Variants in STXBP5 observed in about 807,000 individuals in gnomAD.
The protein encoded by STXBP5 is syntaxin-binding protein 5.
STXBP5 carries 50 observed loss-of-function variants against 152.4 expected under a neutral mutation model. That is an observed-to-expected ratio of 0.33 (90% CI 0.26 to 0.42). STXBP5 has a LOEUF of 0.42. Ranked by LOEUF, STXBP5 falls within the 10% of genes least tolerant of loss-of-function variation. The pLI, the probability that STXBP5 is intolerant of heterozygous loss-of-function variation, is 1.00. For synonymous variants in STXBP5, 492 were observed against 494.7 expected (o/e 0.99, Z 0.07); for missense variants, 1,167 against 1,388.6 (o/e 0.84, Z 2.54).
chr6:147,339,803 A>G (rs1582967210), intron 21 of STXBP5, among the ~76,000 whole-genome samples: 1 of 151,756 alleles, frequency 6.6e-6, no homozygotes, highest in East Asian at 1.9e-4. Flanking sequence ...TAAAAGATTG[A>G]CTCTTTTAGT....
At chr6:147,249,136 T>C (rs1778964245) in intron 4 of STXBP5, among the ~76,000 whole-genome samples, 1 of 152,204 alleles carries the variant, frequency 6.6e-6, no homozygotes, top group African/African-American at 2.4e-5. Flanking sequence ...ATGTGGATTT[T>C]AGCCTGTAAG....
rs200237318 is a variant in STXBP5, at chr6:147,284,451, CTCA to C, written c.838+6254_838+6256del. 5.1e-4 allele frequency among the ~76,000 whole-genome samples: 78 copies of C among 152,238 alleles called. 1 individual carries two copies. The highest frequency in any genetic ancestry group is 4.4e-3 in the East Asian group (23 of 5,182). On this transcript the variant is annotated intron_variant, in intron 8 of 27. Transcript: ENST00000321680. ...ACTGAAAATATACTGTCCTGAAGAG[CTCA>C]TCATCAAGTGAATAAAAATGATCTA...
At chr6:147,316,697 G>A (rs1262069525) in intron 16 of STXBP5, among the ~76,000 whole-genome samples, 1 of 152,114 alleles carries the variant, frequency 6.6e-6, no homozygotes, top group African/African-American at 2.4e-5. Context: ...AAATCCATCA[G>A]TGTTTTTAGT....
intron 2 of STXBP5, among the ~76,000 whole-genome samples, chr6:147,210,197 A>G (rs1186518961): frequency 2.6e-5 from 4 of 152,192 alleles, no homozygotes; most frequent in Non-Finnish European, 5.9e-5. Context: ...TTAGGGAGTA[A>G]CTAAAGATGA....
At chr6:147,353,922 A>G (rs1033932052) in intron 22 of STXBP5, among the ~76,000 whole-genome samples, 4 of 152,196 alleles carry the variant, frequency 2.6e-5, no homozygotes, top group Admixed American at 2.6e-4. Context: ...ATTTTGCTTT[A>G]TATCTAACCC....
intron 7 of STXBP5, among the ~76,000 whole-genome samples, chr6:147,275,479 C>G (rs1780390871): frequency 6.7e-6 from 1 of 149,552 alleles, no homozygotes; most frequent in Non-Finnish European, 1.5e-5. Flanking sequence ...TCCTTTATTC[C>G]TCTTTCTAAC....
intron 2 of STXBP5, among the ~76,000 whole-genome samples, chr6:147,208,932 T>C (rs1340026337): frequency 1.3e-5 from 2 of 152,132 alleles, no homozygotes; most frequent in African/African-American, 4.8e-5. Flanking sequence ...CATTAATGTA[T>C]AGCAAATGAC....
chr6:147,353,218 A>C (rs1784667792), intron 21 of STXBP5, 105 bp from the exon 22 acceptor site: 3 of 642,264 alleles, frequency 4.7e-6, no homozygotes, highest in Admixed American at 3.4e-5. Flanking sequence ...TTATCTCGGC[A>C]TCTAGATTTA....
chr6:147,347,889 A>G (rs1030462406), intron 21 of STXBP5, among the ~76,000 whole-genome samples: 4 of 152,236 alleles, frequency 2.6e-5, no homozygotes, highest in Non-Finnish European at 5.9e-5. Context: ...GGCTATCTCT[A>G]TACAAAGGAT....
At chr6:147,269,034 GAGAGCAA>G (rs1246568247) in intron 7 of STXBP5, among the ~76,000 whole-genome samples, 1 of 152,182 alleles carries the variant, frequency 6.6e-6, no homozygotes, top group Admixed American at 6.5e-5. Flanking sequence ...CAAGGTATTA[GAGAGCAA>G]AGAGCTTAGA....
chr6:147,273,990 AC>A (rs202244700), intron 7 of STXBP5, among the ~76,000 whole-genome samples: 4,356 of 151,988 alleles, frequency 0.029, 57 homozygotes, highest in Middle Eastern at 0.055. Flanking sequence ...TTTGCAGCTC[AC>A]AGCACAGGAA....
intron 26 of STXBP5, among the ~76,000 whole-genome samples, chr6:147,380,464 A>C (rs956818980): frequency 6.6e-5 from 10 of 151,804 alleles, no homozygotes; most frequent in African/African-American, 2.4e-4. Context: ...AAAAAAAAAA[A>C]AAAAAAGATG....
intron 16 of STXBP5, among the ~76,000 whole-genome samples, chr6:147,319,387 A>G (rs1332595246): frequency 6.6e-6 from 1 of 152,202 alleles, no homozygotes; most frequent in Non-Finnish European, 1.5e-5. Flanking sequence ...ATTACCACTG[A>G]TAGTAAAACA....
chr6:147,251,198 T>A (rs942241770), intron 4 of STXBP5, among the ~76,000 whole-genome samples: 2 of 151,982 alleles, frequency 1.3e-5, no homozygotes, highest in African/African-American at 2.4e-5. Context: ...GGAAACTCCC[T>A]CCCCTAGCCA....
chr6:147,362,101 CTTATACTAAAAAGTATTCATTGT>C (rs1785090840), intron 23 of STXBP5, among the ~76,000 whole-genome samples: 5 of 152,020 alleles, frequency 3.3e-5, no homozygotes, highest in Admixed American at 3.3e-4. Context: ...TTGGGACATA[CTTATACTAAAAAGTATTCATTGT>C]TTATCTGAAA....
intron 4 of STXBP5, among the ~76,000 whole-genome samples, chr6:147,258,609 T>C (rs1198392732): frequency 6.6e-6 from 1 of 152,036 alleles, no homozygotes; most frequent in Non-Finnish European, 1.5e-5. Context: ...AATCTTTGTA[T>C]TTTTTAATAG....
intron 25 of STXBP5, among the ~76,000 whole-genome samples, chr6:147,367,986 G>A (rs1244794220): frequency 6.6e-6 from 1 of 151,826 alleles, no homozygotes; most frequent in Non-Finnish European, 1.5e-5. Context: ...AACCGAAATA[G>A]TCCTGTGTCT....
chr6:147,233,128 A>C (rs1330549864), intron 2 of STXBP5, among the ~76,000 whole-genome samples: 2 of 151,698 alleles, frequency 1.3e-5, no homozygotes, highest in African/African-American at 4.8e-5. Flanking sequence ...AAAATGATGA[A>C]GTACAAATGC....
rs1469738492 is a variant in STXBP5, at chr6:147,316,488, C to T, written c.1802+81C>T. 3.3e-5 allele frequency: 41 copies of T among 1,253,712 alleles called. 1 individual carries two copies. Among genetic ancestry groups the T allele is most frequent in the Non-Finnish European group, 3.8e-5 (37 of 966,602 alleles). The allele number at this position is 1,253,712 out of a possible 1,614,324, so 77.7% of individuals were successfully genotyped here. On this transcript the variant is annotated intron_variant, in intron 16 of 27. Coordinates refer to ENST00000321680, the MANE Select transcript of STXBP5 (RefSeq NM_001127715.4). Reference sequence around the variant, plus strand: ...ATTGTAAGCATTAGAGCTATGGTAACATTTTCTTTTGATATAGCAAAATGG... The same window carrying T: ...ATTGTAAGCATTAGAGCTATGGTAATATTTTCTTTTGATATAGCAAAATGG...
Sources: allele counts gnomAD v4.1 joint callset (sites outside exome capture counted in the v4.1 genomes callset), GRCh38; gene constraint gnomAD v4.1.1; transcripts MANE v1.5; gene names NCBI Gene and HGNC (gene_info 2026-07-23, HGNC 2026-07-21).